RBFOX1: variants seen among roughly 807,000 people sequenced by gnomAD.
RBFOX1 encodes the protein RNA binding protein fox-1 homolog 1.
In RBFOX1, 8 loss-of-function variants were observed where a neutral mutation model predicts 57.7. The observed-to-expected ratio is 0.14, with a 90% CI of 0.08 to 0.25. The LOEUF (loss-of-function observed/expected upper bound fraction) is 0.25. Among genes scored for constraint, RBFOX1 ranks in the 10% least tolerant of loss-of-function variants. RBFOX1 has a pLI of 1.00. For synonymous variants in RBFOX1, 326 were observed against 222.4 expected (o/e 1.47, Z -4.15); for missense variants, 611 against 548.5 (o/e 1.11, Z -1.14).
At chr16:5,687,891 C>A (rs532639846) in intron 3 of RBFOX1, among the ~76,000 whole-genome samples, 2 of 152,170 alleles carry the variant, frequency 1.3e-5, no homozygotes, top group Non-Finnish European at 2.9e-5. Flanking sequence ...GCTTCATAAA[C>A]AAAGCAGACT....
chr16:6,997,623 T>C (rs1007523528), intron 3 of RBFOX1, among the ~76,000 whole-genome samples: 2 of 152,178 alleles, frequency 1.3e-5, no homozygotes, highest in Non-Finnish European at 2.9e-5. Flanking sequence ...ACCATAATTA[T>C]TGCTTAATTT....
chr16:7,249,938 G>C (rs1472674377), intron 4 of RBFOX1, among the ~76,000 whole-genome samples: 1 of 152,192 alleles, frequency 6.6e-6, no homozygotes, highest in Non-Finnish European at 1.5e-5. Context: ...TAGTGTTTAA[G>C]AGACTCTTTC....
chr16:5,772,951 C>G lies in RBFOX1; in HGVS notation c.319-94352C>G, dbSNP rs143156573. Reference sequence around the variant, plus strand: ...TTATGGGCAGAGGGAGCTGACTGTGCAAAGGTCCTGGGGCTGTAGCATACC... The same window carrying G: ...TTATGGGCAGAGGGAGCTGACTGTGGAAAGGTCCTGGGGCTGTAGCATACC... On this transcript the variant is annotated intron_variant, in intron 3 of 19. Coordinates refer to the RBFOX1 transcript ENST00000641259. Among the ~76,000 whole-genome samples the G allele has an allele frequency of 9.1e-4, 139 of 152,212 alleles. 1 individual carries two copies. The highest frequency in any genetic ancestry group is 3.2e-3 in the African/African-American group (133 of 41,534).
At chr16:5,975,447 C>T (rs1218651279) in intron 4 of RBFOX1, among the ~76,000 whole-genome samples, 1 of 152,150 alleles carries the variant, frequency 6.6e-6, no homozygotes, top group Non-Finnish European at 1.5e-5. Context: ...AAGGGAAAAA[C>T]CGAGTGTGCT....
chr16:7,507,546 A>ATT (rs1212540548), intron 4 of RBFOX1, among the ~76,000 whole-genome samples: 1 of 109,666 alleles, frequency 9.1e-6, no homozygotes, highest in Non-Finnish European at 2.0e-5. Flanking sequence ...TTGGAACGTG[A>ATT]TTTTTTTTTT....
At chr16:5,281,323 G>A (rs2063266488) in intron 1 of RBFOX1, among the ~76,000 whole-genome samples, 1 of 152,034 alleles carries the variant, frequency 6.6e-6, no homozygotes, top group Admixed American at 6.6e-5. Context: ...AAATTTTGTT[G>A]AGCCTTGTTT....
At position 7,007,063 on chromosome 16, in the gene RBFOX1, C is replaced by T. The variant is rs75890443; in HGVS notation, c.-15-44994C>T. 2.6e-5 allele frequency among the ~76,000 whole-genome samples: 4 copies of T among 152,316 alleles called. No homozygotes were observed. In the East Asian group the frequency reaches 7.7e-4, roughly 29 times the overall value. On this transcript the variant is annotated intron_variant, in intron 3 of 15. Coordinates refer to ENST00000550418, the MANE Select transcript of RBFOX1 (RefSeq NM_018723.4). ...CTAGTTGGCTCATCTGGTTTCTACA[C>T]TGTGAGTTTTTCTCAACGCTGATGT...
chr16:7,444,294 GA>G (rs869221631), intron 4 of RBFOX1, among the ~76,000 whole-genome samples: 1 of 152,020 alleles, frequency 6.6e-6, no homozygotes, highest in South Asian at 2.1e-4. Context: ...GGTCTGGCTG[GA>G]ACAGAGTCCC....
In RBFOX1 at chr16:5,524,545, T is replaced by G. The variant is rs1189725087; in HGVS notation, c.258+57291T>G. Among the ~76,000 whole-genome samples the G allele has an allele frequency of 7.0e-4, 31 of 44,234 alleles. No homozygotes were observed. The African/African-American group carries it at 0.011, about 15-fold the overall frequency. The allele number at this position is 44,234 out of a possible 152,430, so 29.0% of individuals were successfully genotyped here. On this transcript the variant is annotated intron_variant, in intron 2 of 2. Coordinates refer to the RBFOX1 transcript ENST00000585867. ...GATTGCTGGGTTGAGTAGTAGTTGC[T>G]TTTTTTTTTTTTTGAGACAGAGTCT...
chr16:5,795,076 G>T (rs956763), intron 3 of RBFOX1, among the ~76,000 whole-genome samples: 1 of 152,154 alleles, frequency 6.6e-6, no homozygotes, highest in African/African-American at 2.4e-5. Context: ...TTCCATCTCA[G>T]TTTCTCATGT....
intron 1 of RBFOX1, among the ~76,000 whole-genome samples, chr16:6,204,937 C>T (rs955956643): frequency 2.0e-5 from 3 of 152,172 alleles, no homozygotes; most frequent in African/African-American, 7.2e-5. Context: ...AGATTGTTAA[C>T]CTTCAAAGCT....
intron 3 of RBFOX1, among the ~76,000 whole-genome samples, chr16:5,847,286 A>G (rs76239092): frequency 0.014 from 2,027 of 150,046 alleles, 20 homozygotes; most frequent in Non-Finnish European, 0.022. Context: ...CAGGACTTGG[A>G]TTCCATTTCC....
At chr16:6,950,715 C>A (rs1014250511) in intron 3 of RBFOX1, among the ~76,000 whole-genome samples, 4 of 152,032 alleles carry the variant, frequency 2.6e-5, no homozygotes, top group Non-Finnish European at 5.9e-5. Context: ...CTTAGGAGAA[C>A]AATGCTGGGA....
chr16:5,851,822 C>G (rs1344977767), intron 3 of RBFOX1, among the ~76,000 whole-genome samples: 1 of 152,160 alleles, frequency 6.6e-6, no homozygotes, highest in East Asian at 1.9e-4. Flanking sequence ...CTTAAAGGAA[C>G]TGTCTGTTGC....
chr16:7,140,246 G>A (rs926321698), intron 4 of RBFOX1, among the ~76,000 whole-genome samples: 1 of 35,422 alleles, frequency 2.8e-5, no homozygotes, highest in Non-Finnish European at 6.0e-5. Flanking sequence ...AATAAATTTT[G>A]TCCATTTTTT....
chr16:5,697,850 A>G (rs1018684600), intron 3 of RBFOX1, among the ~76,000 whole-genome samples: 8 of 152,178 alleles, frequency 5.3e-5, no homozygotes, highest in East Asian at 3.9e-4. Context: ...TATAGTTTCA[A>G]CTTTAAGCAT....
intron 2 of RBFOX1, among the ~76,000 whole-genome samples, chr16:6,417,463 C>T (rs2093655540): frequency 2.3e-5 from 3 of 130,532 alleles, no homozygotes; most frequent in African/African-American, 8.7e-5. Flanking sequence ...TGTGTTGGCT[C>T]ACTGCAATCT....
chr16:6,958,945 G>A (rs1054992596), intron 3 of RBFOX1, among the ~76,000 whole-genome samples: 1 of 152,094 alleles, frequency 6.6e-6, no homozygotes, highest in East Asian at 1.9e-4. Flanking sequence ...AGGCAGCATG[G>A]TTCTATGTAA....
chr16:6,864,454 T>G (rs1456804931), intron 3 of RBFOX1, among the ~76,000 whole-genome samples: 1 of 152,082 alleles, frequency 6.6e-6, no homozygotes, highest in East Asian at 1.9e-4. Flanking sequence ...GACATCATCA[T>G]GCCCGAAAAA....
Sources: allele counts gnomAD v4.1 joint callset (sites outside exome capture counted in the v4.1 genomes callset), GRCh38; gene constraint gnomAD v4.1.1; transcripts MANE v1.5; gene names NCBI Gene and HGNC (gene_info 2026-07-23, HGNC 2026-07-21).